CELF2: variants seen among roughly 807,000 people sequenced by gnomAD.
The protein encoded by CELF2 is CUG triplet repeat RNA-binding protein 2.
Under a neutral mutation model 62.6 loss-of-function variants are expected in CELF2, and 8 were observed. The observed-to-expected ratio is 0.13, with a 90% confidence interval of 0.07 to 0.23. The LOEUF is 0.23. CELF2 is among the 10% of genes least tolerant of loss of function. CELF2 has a pLI of 1.00. For missense variants in CELF2, 333 were observed against 671.0 expected (o/e 0.50, Z 5.56); for synonymous variants, 258 against 250.0 (o/e 1.03, Z -0.30).
At chr10:11,003,254 A>G (rs2054699946), upstream of CELF2, among the ~76,000 whole-genome samples, 1 of 152,216 alleles carries the variant, frequency 6.6e-6, no homozygotes, top group Admixed American at 6.5e-5. The surrounding 1 kb of genome is among the most constrained non-coding windows in gnomAD (Gnocchi z 4.4). Flanking sequence ...TCCAGTCCTT[A>G]CTACCATGGA....
chr10:10,540,116 C>T, the CELF2 span, among the ~76,000 whole-genome samples: 1 of 152,178 alleles, frequency 6.6e-6, no homozygotes, highest in Non-Finnish European at 1.5e-5. Context: ...TTGGAAGAAG[C>T]TTGTACCTTC....
the CELF2 span, among the ~76,000 whole-genome samples, chr10:10,600,050 T>C: frequency 5.9e-5 from 9 of 152,118 alleles, no homozygotes; most frequent in South Asian, 8.3e-4. Flanking sequence ...TTTCTTTATA[T>C]GTCTTAATGC....
rs1440951571 is a variant in CELF2, at chr10:10,972,046, A to G, written c.89+52047A>G. On this transcript the variant is annotated intron_variant, in intron 2 of 13. Transcript: ENST00000636488. The surrounding 1 kb of genome is among the most constrained non-coding windows in gnomAD (Gnocchi z 4.4). The stretch of plus-strand genomic sequence containing the variant: ...TCTGTTGCTCTTTTTCAGTCAGTTC[A>G]TCTTTACTACTCCACTGAAACAATA... 1.3e-5 allele frequency among the ~76,000 whole-genome samples: 2 copies of G among 152,158 alleles called. No individual in the cohort carries two copies. The highest frequency in any genetic ancestry group is 2.4e-5 in the African/African-American group (1 of 41,438).
chr10:10,701,193 G>C, the CELF2 span, among the ~76,000 whole-genome samples: 2 of 152,240 alleles, frequency 1.3e-5, no homozygotes, highest in Non-Finnish European at 1.5e-5. Flanking sequence ...GGAGAAAGGA[G>C]AGCATCTTCC....
chr10:11,107,735 A>T (rs578147944), intron 1 of CELF2, among the ~76,000 whole-genome samples: 22 of 150,804 alleles, frequency 1.5e-4, no homozygotes, highest in African/African-American at 5.1e-4. Context: ...TCCTTCTCTC[A>T]TTCCTGGATC....
chr10:11,150,778 C>G, intron 1 of CELF2, among the ~76,000 whole-genome samples: 1 of 152,218 alleles, frequency 6.6e-6, no homozygotes, highest in East Asian at 1.9e-4. Flanking sequence ...GCTCCCGTCT[C>G]TCCAATGAGT....
At chr10:10,630,991 C>T in the CELF2 span, among the ~76,000 whole-genome samples, 1 of 152,138 alleles carries the variant, frequency 6.6e-6, no homozygotes, top group Admixed American at 6.6e-5. Flanking sequence ...GCCAGGGGAG[C>T]TCTAATTTGG....
chr10:10,694,500 T>C, the CELF2 span, among the ~76,000 whole-genome samples: 2 of 152,116 alleles, frequency 1.3e-5, no homozygotes, highest in Non-Finnish European at 2.9e-5. Flanking sequence ...TGATTTGGGG[T>C]GGAGAGTTCT....
the CELF2 span, among the ~76,000 whole-genome samples, chr10:10,736,388 CT>C: frequency 1.3e-5 from 1 of 79,940 alleles, no homozygotes; most frequent in East Asian, 2.3e-4. Context: ...TTCTTTCTTT[CT>C]TTCTTTCTTT....
rs1484057831 is a variant in CELF2 at position 11,237,433 on chromosome 10, C to CTT, written c.355-11719_355-11718insTT. 6.6e-6 allele frequency among the ~76,000 whole-genome samples: 1 copy of CTT among 152,046 alleles called. No individual in the cohort carries two copies. The highest frequency in any genetic ancestry group is 1.5e-5 in the Non-Finnish European group (1 of 68,022). On this transcript the variant is annotated intron_variant, in intron 3 of 12. Transcript: ENST00000633077. This position sits in a 1 kb window ranked among gnomAD's most constrained non-coding sequence, Gnocchi z 4.0. ...GAGGCAGGAGTGTGGCTGGAAGAGT[C>CTT]TGAGTAGTAGGTCATCCTGGGAAGC...
rs1177968831 is a variant in CELF2 at position 11,178,985 on chromosome 10, C to T, written c.271+13303C>T. 6.6e-6 allele frequency among the ~76,000 whole-genome samples: 1 copy of T among 152,224 alleles called. No homozygotes were observed. Among genetic ancestry groups the T allele is most frequent in the Non-Finnish European group, 1.5e-5 (1 of 68,038 alleles). ...TCTCTTGCCCTCTGGCCACTTCCTCCACACCCCCAGGAACATTGCCCCCAT... is the reference window on the plus strand; with the variant it reads ...TCTCTTGCCCTCTGGCCACTTCCTCTACACCCCCAGGAACATTGCCCCCAT... On this transcript the variant is annotated intron_variant, in intron 2 of 12. Transcript: ENST00000633077. This position sits in a 1 kb window ranked among gnomAD's most constrained non-coding sequence, Gnocchi z 4.3.
chr10:11,004,829 G>A (rs916934505), upstream of CELF2, among the ~76,000 whole-genome samples: 1 of 152,176 alleles, frequency 6.6e-6, no homozygotes, highest in African/African-American at 2.4e-5. This position sits in a 1 kb window ranked among gnomAD's most constrained non-coding sequence, Gnocchi z 5.0. Flanking sequence ...GACAAGAGGA[G>A]CAGATGAATC....
the CELF2 span, among the ~76,000 whole-genome samples, chr10:10,620,120 A>G: frequency 6.6e-6 from 1 of 152,250 alleles, no homozygotes; most frequent in Non-Finnish European, 1.5e-5. Context: ...CTCTAAGGCA[A>G]GGTTGCCAAT....
the CELF2 span, among the ~76,000 whole-genome samples, chr10:10,643,575 A>C: frequency 1.3e-5 from 2 of 152,122 alleles, no homozygotes; most frequent in African/African-American, 4.8e-5. Flanking sequence ...AATACAGGTA[A>C]ATTTTTTGAA....
intron 1 of CELF2, among the ~76,000 whole-genome samples, chr10:11,040,865 T>G (rs1037129497): frequency 6.6e-6 from 1 of 152,180 alleles, no homozygotes; most frequent in Non-Finnish European, 1.5e-5. Flanking sequence ...AGGGCTGCAT[T>G]AAGCCTCTGT....
In CELF2 at chr10:11,329,687, G is replaced by A. The variant is rs2095943063; in HGVS notation, c.*634G>A. 2 of 152,466 alleles carry A rather than the reference G, an allele frequency of 1.3e-5. No individual in the cohort carries two copies. Among genetic ancestry groups the A allele is most frequent in the East Asian group, 3.9e-4 (2 of 5,192 alleles). 9.4% of individuals were successfully genotyped at this position (152,466 alleles called of 1,614,324 possible). On this transcript the variant is annotated 3_prime_UTR_variant, in exon 13 of 13. Transcript: ENST00000633077. The surrounding 1 kb of genome is among the most constrained non-coding windows in gnomAD (Gnocchi z 5.5). ...ATTTATTGGTCAAAATATTACACTGGTTGTCTATTTTGTTATTGTTTTATT... is the reference window on the plus strand; with the variant it reads ...ATTTATTGGTCAAAATATTACACTGATTGTCTATTTTGTTATTGTTTTATT...
At chr10:10,834,622 G>C (rs1048919967) in intron 1 of CELF2, among the ~76,000 whole-genome samples, 1 of 152,078 alleles carries the variant, frequency 6.6e-6, no homozygotes, top group Non-Finnish European at 1.5e-5. Flanking sequence ...TTGTTACGAG[G>C]GATGGCTAGT....
At chr10:11,084,130 G>A (rs2074773018) in intron 1 of CELF2, among the ~76,000 whole-genome samples, 2 of 152,222 alleles carry the variant, frequency 1.3e-5, no homozygotes, top group South Asian at 4.1e-4. Flanking sequence ...TCCTCCAGAA[G>A]AATTTACTAT....
chr10:11,026,386 A>G (rs1043556586), intron 1 of CELF2, among the ~76,000 whole-genome samples: 1 of 152,200 alleles, frequency 6.6e-6, no homozygotes, highest in Non-Finnish European at 1.5e-5. Flanking sequence ...CTCCCCCGCC[A>G]CACACACCCA....
Sources: gnomAD v4.1 joint callset for allele counts (sites outside exome capture counted in the v4.1 genomes callset) on GRCh38, gnomAD v4.1.1 for gene constraint, Gnocchi (gnomAD v3.1) non-coding constraint, MANE v1.5 for transcripts, NCBI Gene and HGNC (gene_info 2026-07-23, HGNC 2026-07-21) for gene names.